Variants in PHYHIPL observed in about 807,000 individuals in gnomAD.
The protein encoded by PHYHIPL is phytanoyl-CoA hydroxylase-interacting protein-like.
Under a neutral mutation model 33.4 loss-of-function variants are expected in PHYHIPL, and 9 were observed. The ratio of observed to expected loss-of-function variants is 0.27; its 90% CI spans 0.16 to 0.47. PHYHIPL has a LOEUF of 0.47. PHYHIPL is among the 20% of genes least tolerant of loss of function. The probability of loss-of-function intolerance (pLI) is 0.99; values close to 1 mark genes in which losing one functional copy is unlikely to be tolerated. For synonymous variants in PHYHIPL, 153 were observed against 154.1 expected, an observed-to-expected ratio of 0.99 and a Z score of 0.05; for missense variants, 365 against 460.7, an observed-to-expected ratio of 0.79 and a Z score of 1.90.
chr10:59,219,341 A>G, intron 1 of PHYHIPL: 1 of 525,232 alleles, frequency 1.9e-6, no homozygotes, highest in Non-Finnish European at 2.4e-6. Flanking sequence ...ATGGTATATA[A>G]AAATGAAGTA....
chr10:59,219,346 G>T, intron 1 of PHYHIPL: 1 of 503,130 alleles, frequency 2.0e-6, no homozygotes. Context: ...ATATAAAAAT[G>T]AAGTACCCAT....
intron 1 of PHYHIPL, among the ~76,000 whole-genome samples, chr10:59,233,922 T>C (rs547276412): frequency 2.0e-5 from 3 of 151,910 alleles, no homozygotes; most frequent in Non-Finnish European, 4.4e-5. Flanking sequence ...AGACTGTCAC[T>C]GCTAGGTCAT....
At chr10:59,177,484 T>C in intron 1 of PHYHIPL, 2 of 1,548,724 alleles carry the variant, frequency 1.3e-6, no homozygotes, top group Admixed American at 2.0e-5. Flanking sequence ...GGATGACAGT[T>C]TTTCAGTGAG....
chr10:59,209,661 T>TCA (rs1358192927), intron 1 of PHYHIPL, among the ~76,000 whole-genome samples: 2 of 152,120 alleles, frequency 1.3e-5, no homozygotes, highest in Non-Finnish European at 2.9e-5. Context: ...CTACCTGACT[T>TCA]CAAACTATAC....
At chr10:59,183,232 T>C (rs760703934) in intron 1 of PHYHIPL, among the ~76,000 whole-genome samples, 10 of 152,120 alleles carry the variant, frequency 6.6e-5, no homozygotes, top group Non-Finnish European at 1.5e-4. Context: ...AACCACTTAA[T>C]AGTTTAGAGA....
rs553833333 is a variant in PHYHIPL, at chr10:59,190,792, A to G, written c.106+13833A>G. 3.3e-5 allele frequency among the ~76,000 whole-genome samples: 5 copies of G among 151,968 alleles called. No individual in the cohort carries two copies. In the East Asian group the frequency reaches 7.7e-4, roughly 23 times the overall value. On this transcript the variant is annotated intron_variant, in intron 1 of 4. Coordinates refer to ENST00000373880, the MANE Select transcript of PHYHIPL (RefSeq NM_032439.4). Reference sequence around the variant, plus strand: ...TTCTTGTTTTTCGAAGAATATTTATACCTTGATTCAGGACACCCAGCTAAG... The same window carrying G: ...TTCTTGTTTTTCGAAGAATATTTATGCCTTGATTCAGGACACCCAGCTAAG...
chr10:59,210,181 C>G (rs1839403834), intron 1 of PHYHIPL, among the ~76,000 whole-genome samples: 2 of 152,150 alleles, frequency 1.3e-5, no homozygotes, highest in Non-Finnish European at 2.9e-5. Context: ...CTCTATCCAT[C>G]TGACAAAGGG....
Position 59,215,835 on chromosome 10 carries a change from G to GA in PHYHIPL, c.107-18457dup, listed in dbSNP as rs55657842. On this transcript the variant is annotated intron_variant, in intron 1 of 4. Coordinates refer to ENST00000373880, the MANE Select transcript of PHYHIPL (RefSeq NM_032439.4). ...ATAAGACAGACAACCAGCCTTCATA[G>GA]AAAAAAAAAAAACAGATTTTTGAAG... Among the ~76,000 whole-genome samples, 401 of 148,698 alleles carry GA rather than the reference G, an allele frequency of 2.7e-3. 2 individuals are homozygous for GA. Among genetic ancestry groups the GA allele is most frequent in the African/African-American group, 9.2e-3 (375 of 40,818 alleles).
At chr10:59,192,978 A>G (rs1242797185) in intron 1 of PHYHIPL, among the ~76,000 whole-genome samples, 1 of 152,054 alleles carries the variant, frequency 6.6e-6, no homozygotes, top group African/African-American at 2.4e-5. Context: ...ATAGGGAGAG[A>G]GTTTGAGAAT....
At chr10:59,175,653 C>G (rs955531538), upstream of PHYHIPL, among the ~76,000 whole-genome samples, 42 of 152,168 alleles carry the variant, frequency 2.8e-4, no homozygotes, top group African/African-American at 9.9e-4. Flanking sequence ...AAAACGTTTG[C>G]ACATCCACTA....
chr10:59,184,792 TC>T (rs1282629654), intron 1 of PHYHIPL, among the ~76,000 whole-genome samples: 7 of 137,332 alleles, frequency 5.1e-5, no homozygotes, highest in South Asian at 2.5e-4. Flanking sequence ...ATGCTATCCC[TC>T]CCCCCCTCCC....
chr10:59,183,390 C>G (rs906423238), intron 1 of PHYHIPL, among the ~76,000 whole-genome samples: 2 of 152,068 alleles, frequency 1.3e-5, no homozygotes, highest in African/African-American at 2.4e-5. Context: ...CCCTTAGAAA[C>G]TTAAAAAGTC....
chr10:59,216,153 A>G (rs889177978), intron 1 of PHYHIPL, among the ~76,000 whole-genome samples: 1 of 152,152 alleles, frequency 6.6e-6, no homozygotes, highest in Admixed American at 6.6e-5. Flanking sequence ...TTTACAGTAC[A>G]TTAGCCACAA....
At chr10:59,193,935 A>G (rs569395991) in intron 1 of PHYHIPL, among the ~76,000 whole-genome samples, 50 of 152,220 alleles carry the variant, frequency 3.3e-4, no homozygotes, top group African/African-American at 1.1e-3. Context: ...AGCTTTACAT[A>G]TTTACATTCT....
intron 1 of PHYHIPL, among the ~76,000 whole-genome samples, chr10:59,211,940 T>G (rs904868776): frequency 6.6e-6 from 1 of 152,182 alleles, no homozygotes; most frequent in Non-Finnish European, 1.5e-5. Flanking sequence ...TGTTGGAACT[T>G]AATCCCCAAT....
At chr10:59,238,795 T>C (rs1273207983) in intron 4 of PHYHIPL, 90 bp downstream of exon 4, 3 of 661,744 alleles carry the variant, frequency 4.5e-6, no homozygotes, top group Non-Finnish European at 7.6e-6. Context: ...TTTTGTCGAA[T>C]AGCAATTCTA....
intron 1 of PHYHIPL, among the ~76,000 whole-genome samples, chr10:59,199,532 A>G (rs1343085092): frequency 1.3e-5 from 2 of 152,046 alleles, no homozygotes; most frequent in Non-Finnish European, 2.9e-5. Flanking sequence ...TTGTCTTGGC[A>G]ATGAGGGCTC....
intron 1 of PHYHIPL, among the ~76,000 whole-genome samples, chr10:59,180,257 T>TATAC (rs1554854118): frequency 0.012 from 1,478 of 118,880 alleles, 41 homozygotes; most frequent in African/African-American, 0.046. Context: ...ATCATATATA[T>TATAC]ACACACACAC....
chr10:59,207,988 G>A (rs774615510), intron 1 of PHYHIPL, among the ~76,000 whole-genome samples: 11 of 152,112 alleles, frequency 7.2e-5, no homozygotes, highest in East Asian at 1.9e-4. Flanking sequence ...GACGGCTGTC[G>A]GCGCAGCTTT....
Sources: allele counts gnomAD v4.1 joint callset (sites outside exome capture counted in the v4.1 genomes callset), GRCh38; gene constraint gnomAD v4.1.1; transcripts MANE v1.5; gene names NCBI Gene and HGNC (gene_info 2026-07-23, HGNC 2026-07-21).